CEP83: variants seen among roughly 807,000 people sequenced by gnomAD.
CEP83 encodes the protein centrosomal protein of 83 kDa.
CEP83 carries 70 observed loss-of-function variants against 101.9 expected under a neutral mutation model. The ratio of observed to expected loss-of-function variants is 0.69; its 90% CI spans 0.57 to 0.84. CEP83 has a LOEUF of 0.84. Ranked by LOEUF, CEP83 falls within the 40% of genes least tolerant of loss-of-function variation. The pLI is 0.00. For synonymous variants in CEP83, 264 were observed against 267.9 expected, an observed-to-expected ratio of 0.99 and a Z score of 0.14; for missense variants, 715 against 787.2, an observed-to-expected ratio of 0.91 and a Z score of 1.10.
At position 94,400,941 on chromosome 12, in the gene CEP83, T is replaced by C. The variant is rs774252123; in HGVS notation, c.458A>G (p.Tyr153Cys). The change falls in exon 6 of 17, where the codon TAT becomes TGT. Residue 153 changes from tyrosine (Y) to cysteine (C), a missense_variant. By Grantham distance (194) the Tyr-to-Cys change is radical. Transcript: ENST00000397809. ...KYRAVYNKLR[Y>C]EHTFLKSEFE... ...TTCTGACTTGAGAAATGTATGTTCA[T>C]AGCGAAGCTTATTATATACAGCTCT... 1.3e-6 allele frequency: 2 copies of C among 1,508,040 alleles called. No individual in the cohort carries two copies. Among genetic ancestry groups the C allele is most frequent in the East Asian group, 2.5e-5 (1 of 40,506 alleles). The allele number at this position is 1,508,040 out of a possible 1,614,324, so 93.4% of individuals were successfully genotyped here. A position where few individuals can be genotyped will look rare whatever the true frequency, so the allele number is the denominator to read the frequency against.
intron 1 of CEP83, among the ~76,000 whole-genome samples, chr12:94,451,620 C>T (rs1445958654): frequency 1.3e-5 from 2 of 151,988 alleles, no homozygotes; most frequent in Non-Finnish European, 2.9e-5. Context: ...TAGATACTAA[C>T]TAGAATGGCT....
intron 11 of CEP83, among the ~76,000 whole-genome samples, chr12:94,340,842 G>C (rs1420087150): frequency 6.6e-6 from 1 of 152,210 alleles, no homozygotes; most frequent in African/African-American, 2.4e-5. Context: ...ACAAACGAGA[G>C]AGATAATAAG....
the CEP83 span, chr12:94,279,737 C>T: frequency 6.1e-6 from 7 of 1,145,960 alleles, no homozygotes; most frequent in Non-Finnish European, 3.9e-6. Context: ...CTCCCTGCCC[C>T]CACCAGCTTC....
chr12:94,364,671 A>G (rs2060934721), intron 11 of CEP83, among the ~76,000 whole-genome samples: 1 of 152,168 alleles, frequency 6.6e-6, no homozygotes. Context: ...AAAATGGCAC[A>G]TGAACAGACA....
At chr12:94,277,769 G>A in the CEP83 span, 5 of 363,352 alleles carry the variant, frequency 1.4e-5, no homozygotes, top group African/African-American at 1.1e-4. Context: ...AATTGTACAG[G>A]TTTTATTGCC....
chr12:94,377,557 C>T (rs937771752), intron 7 of CEP83, among the ~76,000 whole-genome samples: 5 of 152,196 alleles, frequency 3.3e-5, no homozygotes, highest in African/African-American at 1.2e-4. Flanking sequence ...ATAATACTCT[C>T]TGGGCACAAT....
intron 6 of CEP83, among the ~76,000 whole-genome samples, chr12:94,392,249 C>G (rs2062593066): frequency 6.6e-6 from 1 of 152,170 alleles, no homozygotes; most frequent in Admixed American, 6.5e-5. Flanking sequence ...CTAAAGCACT[C>G]CTCAGCAAAT....
intron 11 of CEP83, among the ~76,000 whole-genome samples, chr12:94,354,297 T>G (rs1834002144): frequency 1.3e-5 from 2 of 152,118 alleles, no homozygotes; most frequent in South Asian, 4.2e-4. Context: ...TTCTTGTGCC[T>G]CAGCCTCTCG....
At chr12:94,386,207 T>C (rs2062136161) in intron 6 of CEP83, among the ~76,000 whole-genome samples, 1 of 152,236 alleles carries the variant, frequency 6.6e-6, no homozygotes, top group Non-Finnish European at 1.5e-5. Context: ...CTATGGCTAA[T>C]TTGGCCCTGC....
intron 6 of CEP83, among the ~76,000 whole-genome samples, chr12:94,392,042 G>C (rs1300912842): frequency 6.6e-6 from 1 of 152,074 alleles, no homozygotes; most frequent in African/African-American, 2.4e-5. Flanking sequence ...ATAATGATGG[G>C]AGACTTTAAC....
At chr12:94,459,409 G>A (rs1213793154) in intron 1 of CEP83, 148 bp downstream of exon 1, 1 of 152,178 alleles carries the variant, frequency 6.6e-6, no homozygotes, top group African/African-American at 2.4e-5. Context: ...AGAGTTTCAC[G>A]TGCGTCTCTC....
the CEP83 span, chr12:94,297,467 T>C: frequency 1.5e-6 from 2 of 1,292,886 alleles, no homozygotes; most frequent in Non-Finnish European, 2.2e-6. Flanking sequence ...ACCTAGGGGG[T>C]GTATGATATG....
intron 11 of CEP83, among the ~76,000 whole-genome samples, chr12:94,339,727 C>A (rs1478236487): frequency 1.3e-5 from 2 of 152,202 alleles, no homozygotes; most frequent in African/African-American, 4.8e-5. Context: ...CTTATACCAA[C>A]CTTCTGAAAG....
chr12:94,411,381 A>T (rs954331738), intron 4 of CEP83, among the ~76,000 whole-genome samples: 1 of 152,134 alleles, frequency 6.6e-6, no homozygotes, highest in Non-Finnish European at 1.5e-5. Context: ...TAACTCTTTT[A>T]AAAAAATTCT....
chr12:94,434,525 T>C (rs963133488), intron 2 of CEP83, among the ~76,000 whole-genome samples: 1 of 152,192 alleles, frequency 6.6e-6, no homozygotes, highest in African/African-American at 2.4e-5. Flanking sequence ...ACAAGTATAA[T>C]AATACATTTG....
rs1347406981 is a variant in CEP83 at position 94,342,855 on chromosome 12, T to C, written c.1344-7191A>G. The stretch of plus-strand genomic sequence containing the variant: ...ATTCACACTTAAAATAGAACTGCTA[T>C]GAATATTTATATTCTGTACCAAATA... On this transcript the variant is annotated intron_variant, in intron 11 of 16. Transcript: ENST00000397809. 3.9e-5 allele frequency among the ~76,000 whole-genome samples: 6 copies of C among 151,928 alleles called. No homozygotes were observed. The South Asian group carries it at 6.2e-4, about 16-fold the overall frequency.
At chr12:94,369,411 G>T (rs1202537941) in intron 9 of CEP83, 1 of 152,224 alleles carries the variant, frequency 6.6e-6, no homozygotes, top group African/African-American at 2.4e-5. Context: ...CCGAGATCAC[G>T]CCACTGCACT....
At chr12:94,373,011 T>C (rs1419422732) in intron 8 of CEP83, among the ~76,000 whole-genome samples, 1 of 152,236 alleles carries the variant, frequency 6.6e-6, no homozygotes, top group Admixed American at 6.5e-5. Flanking sequence ...AGCACTTTTC[T>C]ATGAGTAATC....
intron 16 of CEP83, 97 bp downstream of exon 16, chr12:94,309,821 G>T: frequency 1.3e-6 from 1 of 762,220 alleles, no homozygotes; most frequent in Non-Finnish European, 2.0e-6. Context: ...TTTGAGCACT[G>T]ACCAAAGTTA....
Sources: allele counts gnomAD v4.1 joint callset (sites outside exome capture counted in the v4.1 genomes callset), GRCh38; gene constraint gnomAD v4.1.1; transcripts MANE v1.5; gene names NCBI Gene and HGNC (gene_info 2026-07-23, HGNC 2026-07-21).